Variants in CDC42EP4 observed in about 807,000 individuals in gnomAD.
CDC42EP4 encodes the protein CDC42 effector protein (Rho GTPase binding) 4.
A neutral mutation model predicts 5.6 loss-of-function variants in CDC42EP4; 6 were observed. The ratio of observed to expected loss-of-function variants is 1.07; its 90% CI spans 0.59 to 2.12. CDC42EP4 has a LOEUF of 2.12. CDC42EP4 is among the 30% of genes most tolerant of loss of function. CDC42EP4 has a pLI of 0.00. For synonymous variants in CDC42EP4, 230 were observed against 224.2 expected (o/e 1.03, Z -0.23); for missense variants, 490 against 508.6 (o/e 0.96, Z 0.35).
intron 1 of CDC42EP4, among the ~76,000 whole-genome samples, chr17:73,298,616 G>C (rs1024305853): frequency 6.6e-6 from 1 of 152,242 alleles, no homozygotes; most frequent in Non-Finnish European, 1.5e-5. Context: ...CCAGCACCCA[G>C]GTGCTCCAGC....
intron 1 of CDC42EP4, among the ~76,000 whole-genome samples, chr17:73,299,966 A>G (rs973177189): frequency 2.7e-4 from 41 of 152,134 alleles, no homozygotes; most frequent in Admixed American, 2.7e-3. Context: ...CCTGAAGCAC[A>G]AGCCAGGACT....
At chr17:73,303,537 C>T (rs1045081419) in intron 1 of CDC42EP4, among the ~76,000 whole-genome samples, 20 of 151,762 alleles carry the variant, frequency 1.3e-4, no homozygotes, top group Non-Finnish European at 7.4e-5. Context: ...TGGTGGGTAC[C>T]TGTAATGCCA....
At chr17:73,299,871 T>C (rs1234019858) in intron 1 of CDC42EP4, among the ~76,000 whole-genome samples, 1 of 152,144 alleles carries the variant, frequency 6.6e-6, no homozygotes, top group Non-Finnish European at 1.5e-5. Context: ...AGATTTCTCT[T>C]ACCCAGGAGC....
intron 1 of CDC42EP4, among the ~76,000 whole-genome samples, chr17:73,308,645 C>T (rs1021381549): frequency 3.9e-5 from 6 of 152,218 alleles, no homozygotes; most frequent in Non-Finnish European, 5.9e-5. Context: ...ACAGACAGTC[C>T]GGGCCGCAGA....
chr17:73,310,394 G>T (rs1046015483), intron 1 of CDC42EP4, among the ~76,000 whole-genome samples: 1 of 152,106 alleles, frequency 6.6e-6, no homozygotes, highest in African/African-American at 2.4e-5. Flanking sequence ...TGGCTGCTGG[G>T]GTTCGGACGA....
At chr17:73,296,255 A>G (rs2062184273) in intron 1 of CDC42EP4, among the ~76,000 whole-genome samples, 1 of 150,806 alleles carries the variant, frequency 6.6e-6, no homozygotes, top group African/African-American at 2.4e-5. Flanking sequence ...TAAAAAATAC[A>G]TAAAAAAATA....
chr17:73,291,192 G>A (rs1350611550), intron 1 of CDC42EP4, among the ~76,000 whole-genome samples: 1 of 152,178 alleles, frequency 6.6e-6, no homozygotes, highest in East Asian at 1.9e-4. Flanking sequence ...TTCCTGGGGG[G>A]TTGGGAACGA....
intron 1 of CDC42EP4, among the ~76,000 whole-genome samples, chr17:73,307,625 T>C (rs533057748): frequency 6.6e-6 from 1 of 151,862 alleles, no homozygotes; most frequent in East Asian, 1.9e-4. Context: ...TTTTTTGTAC[T>C]TTTTAGTAGA....
At chr17:73,289,550 G>T (rs1441677057) in intron 1 of CDC42EP4, among the ~76,000 whole-genome samples, 1 of 147,304 alleles carries the variant, frequency 6.8e-6, no homozygotes, top group Non-Finnish European at 1.5e-5. Flanking sequence ...CGTATCTTTT[G>T]TAATAAACCA....
chr17:73,303,893 C>G (rs146985370), intron 1 of CDC42EP4, among the ~76,000 whole-genome samples: 23 of 152,310 alleles, frequency 1.5e-4, no homozygotes, highest in African/African-American at 5.5e-4. Context: ...ATGCCAATAA[C>G]TCACTCAGCC....
At chr17:73,289,891 G>T (rs909083446) in intron 1 of CDC42EP4, among the ~76,000 whole-genome samples, 2 of 151,726 alleles carry the variant, frequency 1.3e-5, no homozygotes, top group African/African-American at 4.8e-5. Flanking sequence ...AGGAAGGAAA[G>T]AAAGAGAAAA....
chr17:73,299,603 A>C (rs1006478053), intron 1 of CDC42EP4, among the ~76,000 whole-genome samples: 1 of 151,956 alleles, frequency 6.6e-6, no homozygotes, highest in Non-Finnish European at 1.5e-5. Flanking sequence ...TGCACCCCAC[A>C]CCCAGCCTCT....
chr17:73,286,200 C>A lies in CDC42EP4; in HGVS notation c.301G>T (p.Asp101Tyr). ...GAGTCCCGCAGGGAGCCCAGCATGT[C>A]ACGCTGCTCCCGCTCCCCCCTGGTC... ...SVTRGEREQR[D>Y]MLGSLRDSAL... The change falls in exon 2 of 2, where the codon GAC becomes TAC. Residue 101 changes from aspartate to tyrosine, a missense_variant. Coordinates refer to ENST00000335793, the MANE Select transcript of CDC42EP4 (RefSeq NM_012121.5). This position sits in a 1 kb window ranked among gnomAD's most constrained non-coding sequence, Gnocchi z 7.7. The A allele has an allele frequency of 6.2e-7, 1 of 1,614,198 alleles. No homozygotes were observed. Among genetic ancestry groups the A allele is most frequent in the Non-Finnish European group, 8.5e-7 (1 of 1,180,040 alleles).
Position 73,296,999 on chromosome 17 carries a change from A to AC in CDC42EP4, c.-112-10388_-112-10387insG, listed in dbSNP as rs1352404980. ...CCGTCTCAAAAAAAAAAAAAAAAAA[A>AC]AAAAATACACAAGGCCAAGCGCCGT... On this transcript the variant is annotated intron_variant, in intron 1 of 1. Coordinates refer to ENST00000335793, the MANE Select transcript of CDC42EP4 (RefSeq NM_012121.5). Among the ~76,000 whole-genome samples the AC allele has an allele frequency of 1.3e-3, 110 of 86,916 alleles. 12 individuals carry two copies. Among genetic ancestry groups the AC allele is most frequent in the Non-Finnish European group, 2.3e-3 (80 of 35,330 alleles). 57.0% of individuals were successfully genotyped at this position (86,916 alleles called of 152,430 possible). A position where few individuals can be genotyped will look rare whatever the true frequency, so the allele number is the denominator to read the frequency against.
intron 1 of CDC42EP4, among the ~76,000 whole-genome samples, chr17:73,297,705 C>T (rs1296814417): frequency 6.6e-6 from 1 of 151,962 alleles, no homozygotes; most frequent in Non-Finnish European, 1.5e-5. Flanking sequence ...ATCGCCCAGG[C>T]TGGAGTGTAG....
intron 1 of CDC42EP4, among the ~76,000 whole-genome samples, chr17:73,307,801 C>T (rs1458108881): frequency 7.5e-6 from 1 of 133,742 alleles, no homozygotes; most frequent in African/African-American, 2.8e-5. Context: ...CTCACTCTAT[C>T]GCCCATGCTG....
At chr17:73,303,043 CA>C (rs554983651) in intron 1 of CDC42EP4, among the ~76,000 whole-genome samples, 32 of 116,782 alleles carry the variant, frequency 2.7e-4, no homozygotes, top group Admixed American at 3.8e-4. Context: ...GACTCCGTCT[CA>C]AAAAAAAAAA....
At chr17:73,303,283 C>T (rs912683512) in intron 1 of CDC42EP4, among the ~76,000 whole-genome samples, 1 of 152,000 alleles carries the variant, frequency 6.6e-6, no homozygotes, top group South Asian at 2.1e-4. Context: ...GCAGAGGTTG[C>T]GGTGAGCCGA....
chr17:73,296,081 A>G (rs1022332656), intron 1 of CDC42EP4, among the ~76,000 whole-genome samples: 1 of 151,714 alleles, frequency 6.6e-6, no homozygotes, highest in East Asian at 2.0e-4. Context: ...AGCCTTATTC[A>G]TAATAGCGAA....
Sources: allele counts gnomAD v4.1 joint callset (sites outside exome capture counted in the v4.1 genomes callset), GRCh38; gene constraint gnomAD v4.1.1; non-coding constraint Gnocchi (gnomAD v3.1); transcripts MANE v1.5; gene names NCBI Gene and HGNC (gene_info 2026-07-23, HGNC 2026-07-21).